CSMD1: variants seen among roughly 807,000 people sequenced by gnomAD.
The protein encoded by CSMD1 is CUB and Sushi multiple domains 1.
Under a neutral mutation model 417.5 loss-of-function variants are expected in CSMD1, and 213 were observed. The observed-to-expected ratio is 0.51, with a 90% confidence interval of 0.46 to 0.57. The LOEUF (loss-of-function observed/expected upper bound fraction) is 0.57. Ranked by LOEUF, CSMD1 falls within the 20% of genes least tolerant of loss-of-function variation. CSMD1 has a pLI of 0.00. For missense variants in CSMD1, 6,923 were observed against 4,529.7 expected (o/e 1.53, Z -15.17); for synonymous variants, 2,862 against 1,736.8 (o/e 1.65, Z -16.11).
intron 1 of CSMD1, among the ~76,000 whole-genome samples, chr8:4,887,021 G>A (rs1803791349): frequency 6.6e-6 from 1 of 151,728 alleles, no homozygotes; most frequent in African/African-American, 2.4e-5. Context: ...TGCTTGGTTT[G>A]TGTTAATGTT....
chr8:3,827,626 T>A (rs1802130675), intron 5 of CSMD1, among the ~76,000 whole-genome samples: 1 of 152,208 alleles, frequency 6.6e-6, no homozygotes, highest in Admixed American at 6.5e-5. Context: ...GAACTAATCT[T>A]TCTATAAAAA....
At chr8:3,958,490 G>C (rs538480553) in intron 5 of CSMD1, among the ~76,000 whole-genome samples, 5 of 152,066 alleles carry the variant, frequency 3.3e-5, no homozygotes, top group African/African-American at 4.8e-5. Context: ...AATTGTTCCT[G>C]CTTATCACTA....
chr8:4,418,043 G>C (rs912835376), intron 3 of CSMD1, among the ~76,000 whole-genome samples: 1 of 151,808 alleles, frequency 6.6e-6, no homozygotes, highest in African/African-American at 2.4e-5. Flanking sequence ...CAGGAGACCT[G>C]GAAGCTAACT....
At chr8:4,738,848 G>A (rs922841986) in intron 1 of CSMD1, among the ~76,000 whole-genome samples, 14 of 151,204 alleles carry the variant, frequency 9.3e-5, no homozygotes, top group African/African-American at 3.2e-4. Flanking sequence ...AAATACACAG[G>A]TTGCTTATTT....
chr8:4,137,255 T>C (rs576418228), intron 3 of CSMD1, among the ~76,000 whole-genome samples: 1 of 152,288 alleles, frequency 6.6e-6, no homozygotes, highest in East Asian at 1.9e-4. Flanking sequence ...CTGGTAGCTA[T>C]GAGAAATTGA....
chr8:4,491,372 A>G (rs139447233), intron 2 of CSMD1, among the ~76,000 whole-genome samples: 186 of 152,300 alleles, frequency 1.2e-3, no homozygotes, highest in Non-Finnish European at 2.0e-3. Flanking sequence ...AGCAACATCC[A>G]TTATAGCGAT....
chr8:3,178,995 T>A (rs982546377), intron 37 of CSMD1, among the ~76,000 whole-genome samples: 6 of 150,648 alleles, frequency 4.0e-5, no homozygotes, highest in Non-Finnish European at 7.4e-5. Flanking sequence ...TCACCCAGGC[T>A]GGAGTGCAGT....
intron 3 of CSMD1, among the ~76,000 whole-genome samples, chr8:4,148,563 A>G (rs1796401671): frequency 6.6e-6 from 1 of 151,854 alleles, no homozygotes; most frequent in Non-Finnish European, 1.5e-5. Flanking sequence ...GGAGGCTGAG[A>G]CATTCAAGCT....
At chr8:4,538,011 A>C (rs1448715360) in intron 2 of CSMD1, among the ~76,000 whole-genome samples, 2 of 152,202 alleles carry the variant, frequency 1.3e-5, no homozygotes, top group Non-Finnish European at 2.9e-5. Context: ...CATGGTTTTC[A>C]TCTGAATCAC....
chr8:4,568,091 A>T lies in CSMD1; in HGVS notation c.302+69251T>A, dbSNP rs117473970. Reference sequence around the variant, plus strand: ...GAATGCTTGGTTAATGCAAGAATAAAAATAAAATACTCATATTCAAAAGCA... The same window carrying T: ...GAATGCTTGGTTAATGCAAGAATAATAATAAAATACTCATATTCAAAAGCA... On this transcript the variant is annotated intron_variant, in intron 2 of 69. Coordinates refer to ENST00000635120, the MANE Select transcript of CSMD1 (RefSeq NM_033225.6). 4.5e-4 allele frequency among the ~76,000 whole-genome samples: 69 copies of T among 152,336 alleles called. 3 individuals are homozygous for T. The East Asian group carries it at 0.013, about 29-fold the overall frequency.
intron 1 of CSMD1, among the ~76,000 whole-genome samples, chr8:4,923,336 C>T (rs1161734802): frequency 6.6e-6 from 1 of 152,058 alleles, no homozygotes; most frequent in Non-Finnish European, 1.5e-5. Context: ...GGAGCATGAA[C>T]AGTTAACTTC....
At chr8:2,963,535 C>T (rs1803686968) in intron 59 of CSMD1, 140 bp from the exon 60 acceptor site, 10 of 793,292 alleles carry the variant, frequency 1.3e-5, no homozygotes, top group Non-Finnish European at 2.0e-5. Flanking sequence ...AAAAGAATTG[C>T]CAAGGAAGAC....
chr8:3,881,057 T>C (rs1017331634), intron 5 of CSMD1, among the ~76,000 whole-genome samples: 1 of 152,088 alleles, frequency 6.6e-6, no homozygotes, highest in Non-Finnish European at 1.5e-5. Context: ...TATGAGTGAA[T>C]TCAAAAAATT....
chr8:3,841,694 G>C (rs1030007629), intron 5 of CSMD1, among the ~76,000 whole-genome samples: 1 of 151,992 alleles, frequency 6.6e-6, no homozygotes, highest in African/African-American at 2.4e-5. Context: ...TTAGAACCTA[G>C]TGATTATAAT....
At chr8:3,859,869 C>G (rs1242375829) in intron 5 of CSMD1, among the ~76,000 whole-genome samples, 1 of 152,176 alleles carries the variant, frequency 6.6e-6, no homozygotes, top group African/African-American at 2.4e-5. Flanking sequence ...CCTCAGGCAT[C>G]TCTTCTTCAG....
At chr8:4,416,639 A>C (rs1563151014) in intron 3 of CSMD1, among the ~76,000 whole-genome samples, 1 of 152,070 alleles carries the variant, frequency 6.6e-6, no homozygotes, top group Admixed American at 6.6e-5. Context: ...AAAAATATAT[A>C]AAGTACATCA....
In CSMD1 at chr8:3,816,773, A is replaced by AT. The variant is rs200261040; in HGVS notation, c.819-62732dup. Among the ~76,000 whole-genome samples the AT allele has an allele frequency of 4.0e-3, 616 of 152,232 alleles. 2 individuals carry two copies. The highest frequency in any genetic ancestry group is 6.5e-3 in the Non-Finnish European group (443 of 68,016). On this transcript the variant is annotated intron_variant, in intron 5 of 69. Transcript: ENST00000635120. ...TATGCATACCTAATGTGTGTCAATA[A>AT]TTTTTTTAAAATATGGTATACTGTA...
chr8:3,680,138 G>C (rs1395040391), intron 7 of CSMD1, among the ~76,000 whole-genome samples: 2 of 152,050 alleles, frequency 1.3e-5, no homozygotes, highest in African/African-American at 2.4e-5. Context: ...AGAGAAGCAA[G>C]AGCAAACACA....
At chr8:3,712,313 C>T (rs1314592903) in intron 6 of CSMD1, among the ~76,000 whole-genome samples, 2 of 152,130 alleles carry the variant, frequency 1.3e-5, no homozygotes, top group East Asian at 3.9e-4. Context: ...ACCCTTCCCT[C>T]GCCTCTTCCT....
Sources: allele counts gnomAD v4.1 joint callset (sites outside exome capture counted in the v4.1 genomes callset), GRCh38; gene constraint gnomAD v4.1.1; transcripts MANE v1.5; gene names NCBI Gene and HGNC (gene_info 2026-07-23, HGNC 2026-07-21).